TBX15: variants seen among roughly 807,000 people sequenced by gnomAD.
The protein encoded by TBX15 is T-box transcription factor 15.
Under a neutral mutation model 53.9 loss-of-function variants are expected in TBX15, and 18 were observed. The ratio of observed to expected loss-of-function variants is 0.33; its 90% CI spans 0.23 to 0.49. The LOEUF (loss-of-function observed/expected upper bound fraction) is 0.49. TBX15 is among the 20% of genes least tolerant of loss of function. TBX15 has a pLI of 0.98. For synonymous variants in TBX15, 295 were observed against 278.0 expected, an observed-to-expected ratio of 1.06 and a Z score of -0.61; for missense variants, 692 against 749.5, an observed-to-expected ratio of 0.92 and a Z score of 0.90.
In TBX15 at chr1:118,966,759, T is replaced by A. The variant is rs114189105; in HGVS notation, c.205+20832A>T. Among the ~76,000 whole-genome samples the A allele has an allele frequency of 7.9e-3, 1,197 of 152,382 alleles. 10 individuals carry two copies. The highest frequency in any genetic ancestry group is 0.013 in the Non-Finnish European group (882 of 68,032). ...TGCTTCTAAGATAAGACTAGTGGTT[T>A]CATCTTCTATGTTTTTGAGAGAATA... On this transcript the variant is annotated intron_variant, in intron 1 of 7. Transcript: ENST00000369429.
intron 5 of TBX15, among the ~76,000 whole-genome samples, chr1:118,918,474 A>G (rs539145479): frequency 1.3e-5 from 2 of 152,170 alleles, no homozygotes; most frequent in Admixed American, 6.5e-5. Flanking sequence ...TGGAGGCATT[A>G]GAGACAAAAA....
intron 6 of TBX15, 139 bp downstream of exon 6, chr1:118,913,975 TC>T: frequency 1.3e-6 from 1 of 786,546 alleles, no homozygotes; most frequent in South Asian, 1.5e-5. Context: ...ACGTTAGCTA[TC>T]CATTTCTCTT....
chr1:118,982,141 A>G (rs1657672740), intron 1 of TBX15, among the ~76,000 whole-genome samples: 1 of 152,356 alleles, frequency 6.6e-6, no homozygotes, highest in South Asian at 2.1e-4. Flanking sequence ...TGTTTCCAGA[A>G]AGGAGAAAGG....
At chr1:118,967,619 C>A (rs1457102406) in intron 1 of TBX15, among the ~76,000 whole-genome samples, 3 of 152,146 alleles carry the variant, frequency 2.0e-5, no homozygotes, top group Non-Finnish European at 4.4e-5. Context: ...TTATTTAAAG[C>A]CATGTAGACA....
At chr1:118,929,804 C>T (rs1217774126) in intron 2 of TBX15, among the ~76,000 whole-genome samples, 1 of 151,870 alleles carries the variant, frequency 6.6e-6, no homozygotes, top group Admixed American at 6.6e-5. Context: ...AATACAGAGA[C>T]CCAAGAGTAA....
At chr1:118,956,388 G>GA (rs1221947056) in intron 1 of TBX15, among the ~76,000 whole-genome samples, 6 of 152,014 alleles carry the variant, frequency 3.9e-5, no homozygotes, top group Non-Finnish European at 8.8e-5. Flanking sequence ...AAATAGTTCA[G>GA]AAAAAAGTTA....
chr1:118,960,465 G>T (rs965197043), intron 1 of TBX15, among the ~76,000 whole-genome samples: 17 of 152,208 alleles, frequency 1.1e-4, no homozygotes, highest in African/African-American at 4.1e-4. Flanking sequence ...CAGACTCAGT[G>T]ACTGAGCTTC....
intron 1 of TBX15, among the ~76,000 whole-genome samples, chr1:118,936,261 AG>A (rs1453705494): frequency 6.6e-6 from 1 of 152,224 alleles, no homozygotes; most frequent in Non-Finnish European, 1.5e-5. Flanking sequence ...CAACTACAAT[AG>A]GTTCATTTGG....
intron 1 of TBX15, among the ~76,000 whole-genome samples, chr1:118,949,546 T>A (rs758945954): frequency 3.6e-4 from 55 of 152,240 alleles, no homozygotes; most frequent in Non-Finnish European, 2.5e-4. Flanking sequence ...CTTTCAAGTT[T>A]GTTTCCTTCT....
chr1:118,891,858 T>G (rs1654156706), intron 7 of TBX15, among the ~76,000 whole-genome samples: 1 of 152,212 alleles, frequency 6.6e-6, no homozygotes, highest in Non-Finnish European at 1.5e-5. Flanking sequence ...CATTTCAGTT[T>G]CATGACCCAA....
At chr1:118,983,112 C>G (rs888962213) in intron 1 of TBX15, among the ~76,000 whole-genome samples, 7 of 152,272 alleles carry the variant, frequency 4.6e-5, no homozygotes, top group Non-Finnish European at 7.4e-5. Flanking sequence ...AAAGGAGAGA[C>G]CCGCACACCC....
chr1:118,892,790 T>C (rs888405967), intron 7 of TBX15, among the ~76,000 whole-genome samples: 8 of 152,228 alleles, frequency 5.3e-5, no homozygotes, highest in African/African-American at 1.9e-4. Flanking sequence ...CTAATGTTAA[T>C]TGACTGCATG....
chr1:118,939,040 C>T (rs190457389), intron 1 of TBX15, among the ~76,000 whole-genome samples: 1 of 152,074 alleles, frequency 6.6e-6, no homozygotes, highest in Non-Finnish European at 1.5e-5. Context: ...TACTATGCGA[C>T]CATAAAAAAG....
At position 118,973,888 on chromosome 1, in the gene TBX15, C is replaced by G. The variant is rs115340653; in HGVS notation, c.205+13703G>C. Among the ~76,000 whole-genome samples, 568 of 152,328 alleles carry G rather than the reference C, an allele frequency of 3.7e-3. 2 individuals carry two copies. Among genetic ancestry groups the G allele is most frequent in the African/African-American group, 0.013 (545 of 41,572 alleles). On this transcript the variant is annotated intron_variant, in intron 1 of 7. Coordinates refer to ENST00000369429, the MANE Select transcript of TBX15 (RefSeq NM_001330677.2). ...AGCACCTCCTACAGTACCTACCACCCAGTCAGAATATCACAGAGATGCCTT... is the reference window on the plus strand; with the variant it reads ...AGCACCTCCTACAGTACCTACCACCGAGTCAGAATATCACAGAGATGCCTT...
At chr1:118,916,117 G>A (rs1295971727) in intron 5 of TBX15, among the ~76,000 whole-genome samples, 1 of 152,200 alleles carries the variant, frequency 6.6e-6, no homozygotes, top group Non-Finnish European at 1.5e-5. Context: ...TGACAGAATG[G>A]TGTACAGCCA....
intron 1 of TBX15, among the ~76,000 whole-genome samples, chr1:118,944,153 C>T (rs562903109): frequency 5.5e-4 from 83 of 152,134 alleles, no homozygotes; most frequent in Non-Finnish European, 1.0e-3. Context: ...CCCAACTTCC[C>T]AGACCCTCCA....
intron 1 of TBX15, among the ~76,000 whole-genome samples, chr1:118,962,176 A>G (rs1656898226): frequency 6.6e-6 from 1 of 152,228 alleles, no homozygotes; most frequent in Admixed American, 6.5e-5. Flanking sequence ...AACTCTAAGG[A>G]AAACTGTGTA....
chr1:118,957,122 G>C (rs1263408718), intron 1 of TBX15, among the ~76,000 whole-genome samples: 6 of 152,108 alleles, frequency 3.9e-5, no homozygotes, highest in Non-Finnish European at 8.8e-5. Flanking sequence ...CTTGGCTACT[G>C]AATGTTATAT....
At position 118,890,887 on chromosome 1, in the gene TBX15, C is replaced by A. The variant is rs566379531; in HGVS notation, c.1025-5371G>T. 7.7e-6 allele frequency: 10 copies of A among 1,303,924 alleles called. No homozygotes were observed. The African/African-American group carries it at 1.1e-4, about 14-fold the overall frequency. 80.8% of individuals were successfully genotyped at this position (1,303,924 alleles called of 1,614,324 possible). ...ATTACTTCGTTCCATGAGCCAGACT[C>A]TTCTCTCGTATAATTCAATGGCATC... is the stretch of plus-strand genomic sequence containing the variant. On this transcript the variant is annotated intron_variant, in intron 7 of 7. Coordinates refer to ENST00000369429, the MANE Select transcript of TBX15 (RefSeq NM_001330677.2).
Sources: allele counts gnomAD v4.1 joint callset (sites outside exome capture counted in the v4.1 genomes callset), GRCh38; gene constraint gnomAD v4.1.1; transcripts MANE v1.5; gene names NCBI Gene and HGNC (gene_info 2026-07-23, HGNC 2026-07-21).